Variants in CNTNAP2 observed in about 807,000 individuals in gnomAD.
CNTNAP2 encodes the protein contactin associated protein 2, also known as contactin-associated protein-like 2.
In CNTNAP2, 98 loss-of-function variants were observed where a neutral mutation model predicts 155.2. That is an observed-to-expected ratio of 0.63 (90% CI 0.54 to 0.75). CNTNAP2 has a LOEUF of 0.75. Ranked by LOEUF, CNTNAP2 falls within the 30% of genes least tolerant of loss-of-function variation. CNTNAP2 has a pLI of 0.00. For missense variants in CNTNAP2, 1,727 were observed against 1,688.1 expected, an observed-to-expected ratio of 1.02 and a Z score of -0.40; for synonymous variants, 651 against 631.2, an observed-to-expected ratio of 1.03 and a Z score of -0.47.
At chr7:147,842,431 G>A (rs1798759462) in intron 13 of CNTNAP2, among the ~76,000 whole-genome samples, 1 of 152,008 alleles carries the variant, frequency 6.6e-6, no homozygotes, top group Admixed American at 6.6e-5. Flanking sequence ...TTAATTCCAT[G>A]TATTTTAAGT....
intron 3 of CNTNAP2, among the ~76,000 whole-genome samples, chr7:146,898,286 A>C (rs551277140): frequency 2.0e-4 from 30 of 152,204 alleles, no homozygotes; most frequent in Non-Finnish European, 3.7e-4. Context: ...AGGAAGGTAA[A>C]ATTTTAAAAA....
chr7:147,571,035 G>A (rs1349636424), intron 12 of CNTNAP2, among the ~76,000 whole-genome samples: 1 of 152,114 alleles, frequency 6.6e-6, no homozygotes, highest in East Asian at 1.9e-4. Flanking sequence ...TCTAACTAAT[G>A]CCTTGGGGTT....
chr7:146,903,079 C>G (rs1226689172), intron 3 of CNTNAP2, among the ~76,000 whole-genome samples: 1 of 152,152 alleles, frequency 6.6e-6, no homozygotes, highest in Non-Finnish European at 1.5e-5. Context: ...ATCAACTTCA[C>G]GTTGGGGCAA....
chr7:147,800,616 T>C (rs1797969008), intron 13 of CNTNAP2, among the ~76,000 whole-genome samples: 1 of 152,130 alleles, frequency 6.6e-6, no homozygotes. Flanking sequence ...CTATAGCATA[T>C]GGAGGAGACA....
At chr7:147,083,550 G>GTA (rs1289403405) in intron 4 of CNTNAP2, among the ~76,000 whole-genome samples, 111 of 113,010 alleles carry the variant, frequency 9.8e-4, no homozygotes, top group Middle Eastern at 0.013. Context: ...ATATATATAT[G>GTA]TATATATATA....
chr7:146,730,427 AT>A (rs1485800647), intron 1 of CNTNAP2, among the ~76,000 whole-genome samples: 1 of 152,118 alleles, frequency 6.6e-6, no homozygotes, highest in African/African-American at 2.4e-5. Flanking sequence ...TACACATCCA[AT>A]AAATGTCCAC....
At chr7:146,125,224 T>TG (rs561437018) in intron 1 of CNTNAP2, among the ~76,000 whole-genome samples, 213 of 152,264 alleles carry the variant, frequency 1.4e-3, no homozygotes, top group African/African-American at 4.6e-3. Context: ...TATGACTAGT[T>TG]AAAAGGAAAT....
chr7:148,354,511 G>C (rs183838645), intron 21 of CNTNAP2, among the ~76,000 whole-genome samples: 1 of 152,006 alleles, frequency 6.6e-6, no homozygotes, highest in Non-Finnish European at 1.5e-5. Context: ...TTCAGGGACT[G>C]CCTGCCTCCT....
intron 14 of CNTNAP2, among the ~76,000 whole-genome samples, chr7:147,936,003 T>C (rs1800600118): frequency 8.8e-6 from 1 of 113,640 alleles, no homozygotes; most frequent in South Asian, 3.8e-4. Context: ...AACTTGAACA[T>C]GCTTTCATGT....
chr7:146,373,777 T>C (rs1352142509), intron 1 of CNTNAP2, among the ~76,000 whole-genome samples: 2 of 152,136 alleles, frequency 1.3e-5, no homozygotes, highest in Non-Finnish European at 2.9e-5. Flanking sequence ...TTGGGGTACA[T>C]ACGGAAGATC....
At chr7:147,221,774 T>G (rs1219521467) in intron 8 of CNTNAP2, among the ~76,000 whole-genome samples, 1 of 152,256 alleles carries the variant, frequency 6.6e-6, no homozygotes, top group Non-Finnish European at 1.5e-5. Context: ...GCAGGTCTAC[T>G]GACAAGTCCC....
At chr7:146,823,283 A>T (rs1048757932) in intron 2 of CNTNAP2, among the ~76,000 whole-genome samples, 181 of 148,338 alleles carry the variant, frequency 1.2e-3, no homozygotes, top group African/African-American at 4.3e-3. Flanking sequence ...TTACATGTAA[A>T]TATACTCATT....
chr7:147,435,286 G>A (rs557610855), intron 10 of CNTNAP2, among the ~76,000 whole-genome samples: 2 of 152,202 alleles, frequency 1.3e-5, no homozygotes, highest in South Asian at 2.1e-4. Context: ...ATAACTGCAC[G>A]AGAGCCATCA....
At chr7:146,924,476 G>A (rs1469653017) in intron 3 of CNTNAP2, among the ~76,000 whole-genome samples, 1 of 152,102 alleles carries the variant, frequency 6.6e-6, no homozygotes, top group Non-Finnish European at 1.5e-5. Context: ...GTTCATAACA[G>A]TTAGTCAATG....
chr7:147,889,214 GA>G (rs1799646210), intron 13 of CNTNAP2, among the ~76,000 whole-genome samples: 2 of 151,430 alleles, frequency 1.3e-5, no homozygotes, highest in African/African-American at 4.8e-5. Context: ...TCAGAAGGAA[GA>G]AAAAATACTT....
chr7:147,361,886 C>T (rs1199042944), intron 9 of CNTNAP2, among the ~76,000 whole-genome samples: 4 of 152,130 alleles, frequency 2.6e-5, no homozygotes, highest in Non-Finnish European at 5.9e-5. Flanking sequence ...CTCTTCTCTA[C>T]TGCATGATAT....
intron 1 of CNTNAP2, among the ~76,000 whole-genome samples, chr7:146,415,432 C>CAAA (rs561984765): frequency 5.4e-4 from 82 of 152,036 alleles, no homozygotes; most frequent in African/African-American, 2.0e-3. Flanking sequence ...TAATTTACTT[C>CAAA]AAAAAAATCT....
At chr7:146,232,065 A>G (rs933249086) in intron 1 of CNTNAP2, among the ~76,000 whole-genome samples, 2 of 151,514 alleles carry the variant, frequency 1.3e-5, no homozygotes, top group Admixed American at 6.6e-5. Flanking sequence ...CTGGCTGACT[A>G]TCTCTCAAAA....
chr7:148,255,658 AG>A (rs1490433177), intron 20 of CNTNAP2, among the ~76,000 whole-genome samples: 2 of 152,352 alleles, frequency 1.3e-5, no homozygotes, highest in East Asian at 1.9e-4. Context: ...CTTAAGAGGC[AG>A]ATATATTTTA....
Sources: allele counts gnomAD v4.1 joint callset (sites outside exome capture counted in the v4.1 genomes callset), GRCh38; gene constraint gnomAD v4.1.1; transcripts MANE v1.5; gene names NCBI Gene and HGNC (gene_info 2026-07-23, HGNC 2026-07-21).